Variants in CFAP43 observed in about 807,000 individuals in gnomAD.
CFAP43 encodes the protein cilia- and flagella-associated protein 43.
CFAP43 carries 155 observed loss-of-function variants against 218.9 expected under a neutral mutation model. The observed-to-expected ratio is 0.71, with a 90% confidence interval of 0.62 to 0.81. The LOEUF (loss-of-function observed/expected upper bound fraction) is 0.81. CFAP43 is among the 30% of genes least tolerant of loss of function. CFAP43 has a pLI of 0.00. For synonymous variants in CFAP43, 645 were observed against 681.3 expected, an observed-to-expected ratio of 0.95 and a Z score of 0.83; for missense variants, 1,778 against 1,954.3, an observed-to-expected ratio of 0.91 and a Z score of 1.70.
intron 16 of CFAP43, 101 bp downstream of exon 16, chr10:104,184,915 T>A: frequency 6.7e-7 from 1 of 1,502,844 alleles, no homozygotes; most frequent in Non-Finnish European, 8.8e-7. Context: ...GCACTGGCAG[T>A]GGTCTCCCAG....
intron 27 of CFAP43, among the ~76,000 whole-genome samples, chr10:104,155,774 G>A (rs1215505575): frequency 6.6e-6 from 1 of 152,018 alleles, no homozygotes. Flanking sequence ...GTGTGTCAAG[G>A]ACCTGCAGCG....
chr10:104,131,690 C>T (rs1289198099), intron 36 of CFAP43, among the ~76,000 whole-genome samples: 2 of 152,080 alleles, frequency 1.3e-5, no homozygotes, highest in Non-Finnish European at 2.9e-5. Context: ...TTAGAAAAAA[C>T]ATTTTGTATA....
At chr10:104,139,955 T>C (rs186789136) in intron 34 of CFAP43, among the ~76,000 whole-genome samples, 1 of 152,332 alleles carries the variant, frequency 6.6e-6, no homozygotes, top group East Asian at 1.9e-4. Flanking sequence ...TATCATCTAA[T>C]TCCCAAATAG....
At position 104,232,191 on chromosome 10, in the gene CFAP43, A is replaced by C. The variant is rs1428724153; in HGVS notation, c.56T>G (p.Leu19Trp). The stretch of plus-strand genomic sequence containing the variant: ...GCCGTGAACACCGCACCTCACGGAC[A>C]AGGACGCGCCGCCGGCGGAGTGGGG... ...EGPHSAGGAS[L>W]SVRWVQGFPK... is the part of the protein sequence containing the mutation. The change falls in exon 1 of 38, where the codon TTG becomes TGG. Residue 19 changes from leucine to tryptophan, a missense_variant. Transcript: ENST00000357060. 1 of 1,609,494 alleles carries C rather than the reference A, an allele frequency of 6.2e-7. No homozygotes were observed. The highest frequency in any genetic ancestry group is 8.5e-7 in the Non-Finnish European group (1 of 1,178,564).
chr10:104,178,357 T>C lies in CFAP43; in HGVS notation c.2460+672A>G, dbSNP rs2089705202. Among the ~76,000 whole-genome samples the C allele has an allele frequency of 2.0e-5, 3 of 152,302 alleles. No individual in the cohort carries two copies. In the South Asian group the frequency reaches 6.2e-4, roughly 32 times the overall value. On this transcript the variant is annotated intron_variant, in intron 19 of 37. Transcript: ENST00000357060. ...GAGTTTGAATAGGTCATAGAAGGGC[T>C]TACCCAAAACAAAGGCAACTATTAA...
Position 104,130,091 on chromosome 10 carries a change from T to C in CFAP43, c.*48A>G, listed in dbSNP as rs759254693. 1 of 1,529,594 alleles carries C rather than the reference T, an allele frequency of 6.5e-7. No homozygotes were observed. The highest frequency in any genetic ancestry group is 2.4e-5 in the Admixed American group (1 of 42,334). The allele number at this position is 1,529,594 out of a possible 1,614,324, so 94.8% of individuals were successfully genotyped here. A position where few individuals can be genotyped will look rare whatever the true frequency, so the allele number is the denominator to read the frequency against. On this transcript the variant is annotated 3_prime_UTR_variant, in exon 38 of 38. Transcript: ENST00000357060. Reference sequence around the variant, plus strand: ...AGGAAATCATTTTACCCAAATGAAATGATTTTTTAAATGATTGATTTGGCC... The same window carrying C: ...AGGAAATCATTTTACCCAAATGAAACGATTTTTTAAATGATTGATTTGGCC...
chr10:104,189,057 A>G (rs1480388927), intron 12 of CFAP43, among the ~76,000 whole-genome samples: 2 of 152,018 alleles, frequency 1.3e-5, no homozygotes, highest in East Asian at 1.9e-4. Flanking sequence ...ACATAAACTC[A>G]ATCTCAACTT....
At position 104,212,132 on chromosome 10, in the gene CFAP43, C is replaced by T. The variant is rs1038691128; in HGVS notation, c.610G>A (p.Gly204Arg). 4.3e-6 allele frequency: 7 copies of T among 1,613,860 alleles called. No individual in the cohort carries two copies. The highest frequency in any genetic ancestry group is 5.9e-6 in the Non-Finnish European group (7 of 1,179,906). The change falls in exon 5 of 38, where the codon GGG (glycine) becomes AGG (arginine). Residue 204 changes from glycine to arginine, a missense_variant. By Grantham distance (125) the Gly-to-Arg change is moderately radical (BLOSUM62 -2). Transcript: ENST00000357060. ...ARSVKLPLED[G>R]SFFNETDVVF... is the part of the protein sequence containing the mutation. The stretch of plus-strand genomic sequence containing the variant: ...ACATCCGTTTCATTAAAAAATGACC[C>T]ATCTTCTAGAGGTAATTTCACCGAC...
At chr10:104,167,099 A>G (rs1251929733) in intron 22 of CFAP43, among the ~76,000 whole-genome samples, 1 of 152,258 alleles carries the variant, frequency 6.6e-6, no homozygotes, top group Non-Finnish European at 1.5e-5. Context: ...GTTAACACGA[A>G]TTAAGCATGC....
In CFAP43 at chr10:104,212,153, C is replaced by T. The variant is rs117768807; in HGVS notation, c.589G>A (p.Val197Met). The change falls in exon 5 of 38, where the codon GTG becomes ATG. Residue 197 changes from valine to methionine, a missense_variant. By Grantham distance (21) the Val-to-Met change is conservative. This residue lies in a region of CFAP43 where 1,553 missense variants were observed against 1,685.2 expected (regional missense o/e 0.92). Transcript: ENST00000357060. ...GACCCATCTTCTAGAGGTAATTTCACCGACCTGTAGACAAAAGAGGCATCA... is the reference window on the plus strand; with the variant it reads ...GACCCATCTTCTAGAGGTAATTTCATCGACCTGTAGACAAAAGAGGCATCA... Reference protein sequence around the residue: ...NQEHCFRARSVKLPLEDGSFF... With the variant: ...NQEHCFRARSMKLPLEDGSFF... 4.9e-3 allele frequency: 7,849 copies of T among 1,613,130 alleles called. 51 individuals are homozygous for T. Among genetic ancestry groups the T allele is most frequent in the Middle Eastern group, 7.9e-3 (48 of 6,060 alleles).
chr10:104,210,145 C>A (rs997518988), intron 5 of CFAP43, among the ~76,000 whole-genome samples: 1 of 152,144 alleles, frequency 6.6e-6, no homozygotes, highest in East Asian at 1.9e-4. Flanking sequence ...ACAGATGCAA[C>A]CATACAACTT....
chr10:104,138,415 C>T (rs756081388), intron 34 of CFAP43, among the ~76,000 whole-genome samples: 1 of 152,148 alleles, frequency 6.6e-6, no homozygotes, highest in Non-Finnish European at 1.5e-5. Context: ...GTGGCTCAGG[C>T]TTGTAATCCC....
intron 16 of CFAP43, among the ~76,000 whole-genome samples, chr10:104,184,047 G>T (rs537389815): frequency 6.6e-6 from 1 of 152,256 alleles, no homozygotes; most frequent in South Asian, 2.1e-4. Context: ...ATCACAGGAG[G>T]TATCACGAAA....
chr10:104,136,276 AAAG>A, intron 34 of CFAP43, among the ~76,000 whole-genome samples: 1 of 134,050 alleles, frequency 7.5e-6, no homozygotes, highest in African/African-American at 3.0e-5. Flanking sequence ...AAAAAAAAAA[AAAG>A]AAGAAAAGAA....
At chr10:104,224,377 G>A (rs1353972977) in intron 3 of CFAP43, among the ~76,000 whole-genome samples, 1 of 151,738 alleles carries the variant, frequency 6.6e-6, no homozygotes. Context: ...TACGGTGATG[G>A]GTTTATACAT....
chr10:104,161,236 T>A, intron 26 of CFAP43, 74 bp from the exon 27 acceptor site: 2 of 1,511,172 alleles, frequency 1.3e-6, no homozygotes, highest in Non-Finnish European at 1.8e-6. Context: ...CTCAGAGTTT[T>A]TTTTAAAAAG....
At chr10:104,221,213 G>A (rs998237652) in intron 3 of CFAP43, among the ~76,000 whole-genome samples, 1 of 152,184 alleles carries the variant, frequency 6.6e-6, no homozygotes, top group African/African-American at 2.4e-5. Context: ...GACCTCAGGT[G>A]ATCCGCCCAC....
intron 19 of CFAP43, among the ~76,000 whole-genome samples, chr10:104,177,932 T>A (rs2089687841): frequency 6.6e-6 from 1 of 152,182 alleles, no homozygotes; most frequent in African/African-American, 2.4e-5. Context: ...AATGTACCTC[T>A]CATGTACCCT....
intron 3 of CFAP43, among the ~76,000 whole-genome samples, chr10:104,216,409 C>T (rs1235710128): frequency 1.3e-5 from 2 of 152,168 alleles, no homozygotes; most frequent in South Asian, 2.1e-4. Flanking sequence ...TTCTGCCTCG[C>T]TGACTCAGTG....
Sources: gnomAD v4.1 joint callset for allele counts (sites outside exome capture counted in the v4.1 genomes callset) on GRCh38, gnomAD v4.1.1 for gene constraint, gnomAD v4.1.1 regional missense constraint, MANE v1.5 for transcripts, NCBI Gene and HGNC (gene_info 2026-07-23, HGNC 2026-07-21) for gene names.